The following TIMM23B variants were observed in gnomAD, a reference collection of about 807,000 sequenced individuals.
The protein encoded by TIMM23B is mitochondrial import inner membrane translocase subunit Tim23B.
Under a neutral mutation model 27.3 loss-of-function variants are expected in TIMM23B, and 27 were observed. The observed-to-expected ratio is 0.99, with a 90% CI of 0.73 to 1.36. The LOEUF is 1.36. TIMM23B is among the 40% of genes most tolerant of loss of function. The pLI is 0.00. For synonymous variants in TIMM23B, 73 were observed against 92.4 expected (o/e 0.79, Z 1.21); for missense variants, 205 against 244.2 (o/e 0.84, Z 1.07).
intron 6 of TIMM23B, among the ~76,000 whole-genome samples, chr10:49,961,296 T>C (rs1211411781): frequency 1.3e-5 from 2 of 148,548 alleles, no homozygotes; most frequent in Admixed American, 1.3e-4. Context: ...GGCAGGAGAA[T>C]TGCTTGAACC....
chr10:49,956,712 A>G (rs1332269492), intron 5 of TIMM23B, among the ~76,000 whole-genome samples: 10 of 146,358 alleles, frequency 6.8e-5, no homozygotes, highest in African/African-American at 2.4e-4. Context: ...ATTCCATTAT[A>G]TGAAAAGTCC....
Position 49,969,225 on chromosome 10 carries a change from A to G in TIMM23B, c.515-3787A>G, listed in dbSNP as rs2805310. 1.2e-3 allele frequency among the ~76,000 whole-genome samples: 185 copies of G among 152,318 alleles called. No homozygotes were observed. The South Asian group carries it at 0.027, about 22-fold the overall frequency. On this transcript the variant is annotated intron_variant, in intron 6 of 6. Coordinates refer to ENST00000651259, the MANE Select transcript of TIMM23B (RefSeq NM_001290117.2). ...ATAATCCCAGCACTTTGGGAAGCCA[A>G]TGTGGGCAGATTGAGTCCAGGAGTG...
At chr10:49,945,251 A>G (rs1839319508) in intron 2 of TIMM23B, among the ~76,000 whole-genome samples, 161 bp downstream of exon 2, 1 of 152,150 alleles carries the variant, frequency 6.6e-6, no homozygotes, top group African/African-American at 2.4e-5. Context: ...CTTGGCCTGC[A>G]TCTCTCTGAA....
chr10:49,943,277 A>G (rs1241001066), intron 1 of TIMM23B: 2 of 151,760 alleles, frequency 1.3e-5, no homozygotes, highest in Admixed American at 6.6e-5. Context: ...GTGCGGTGGC[A>G]TGATTATAGT....
chr10:49,947,746 TAAG>T (rs1461108315), intron 2 of TIMM23B, among the ~76,000 whole-genome samples: 3 of 151,810 alleles, frequency 2.0e-5, no homozygotes, highest in African/African-American at 4.8e-5. Flanking sequence ...CTGGCCAACA[TAAG>T]AAGATCCCAT....
chr10:49,959,373 A>G (rs1408857682), intron 6 of TIMM23B, among the ~76,000 whole-genome samples: 9 of 152,198 alleles, frequency 5.9e-5, no homozygotes, highest in African/African-American at 2.2e-4. Context: ...AATTTAGAGC[A>G]TCTTATTCCT....
At chr10:49,947,424 A>C (rs1394499509) in intron 2 of TIMM23B, among the ~76,000 whole-genome samples, 1 of 151,994 alleles carries the variant, frequency 6.6e-6, no homozygotes, top group Non-Finnish European at 1.5e-5. Context: ...CCTGGCCAAC[A>C]TGGTGAAACC....
intron 5 of TIMM23B, among the ~76,000 whole-genome samples, chr10:49,956,337 T>C (rs1298266192): frequency 6.6e-6 from 1 of 151,702 alleles, no homozygotes; most frequent in Non-Finnish European, 1.5e-5. Flanking sequence ...TGGGGGAAGA[T>C]ACTTTAAAAT....
At chr10:49,947,594 AGT>A (rs1390457524) in intron 2 of TIMM23B, among the ~76,000 whole-genome samples, 3 of 151,942 alleles carry the variant, frequency 2.0e-5, no homozygotes, top group African/African-American at 7.3e-5. Flanking sequence ...TGGGCAACAG[AGT>A]AAGACTCGGT....
Position 49,973,825 on chromosome 10 carries a change from G to A in TIMM23B, c.*761G>A, listed in dbSNP as rs1338250590. ...ATTTTTTTTTTTTCTTTTTTTTTGA[G>A]ATGGAGTCTTGCTCTGTTGCCAGGC... is the stretch of plus-strand genomic sequence containing the variant. On this transcript the variant is annotated 3_prime_UTR_variant, in exon 7 of 7. Transcript: ENST00000651259. 1 of 148,508 alleles carries A rather than the reference G, an allele frequency of 6.7e-6. No individual in the cohort carries two copies. Among genetic ancestry groups the A allele is most frequent in the Non-Finnish European group, 1.5e-5 (1 of 67,622 alleles). 9.2% of individuals were successfully genotyped at this position (148,508 alleles called of 1,614,324 possible). A position where few individuals can be genotyped will look rare whatever the true frequency, so the allele number is the denominator to read the frequency against.
At chr10:49,970,664 TG>T (rs1164509600) in intron 6 of TIMM23B, among the ~76,000 whole-genome samples, 8 of 118,082 alleles carry the variant, frequency 6.8e-5, no homozygotes, top group Admixed American at 8.3e-5. Context: ...GGGAGGGAGG[TG>T]GGGGGCAGCC....
At chr10:49,958,829 G>A (rs1395782013) in intron 6 of TIMM23B, among the ~76,000 whole-genome samples, 2 of 152,148 alleles carry the variant, frequency 1.3e-5, no homozygotes, top group South Asian at 2.1e-4. Flanking sequence ...GCTGCTTTAG[G>A]CACCTCATAT....
chr10:49,954,975 A>G, intron 4 of TIMM23B, 27 bp from the exon 5 acceptor site: 1 of 1,611,414 alleles, frequency 6.2e-7, no homozygotes, highest in Non-Finnish European at 8.5e-7. Context: ...TTCTAAATAC[A>G]GATTCTTTCT....
Position 49,958,371 on chromosome 10 carries a change from G to A in TIMM23B, c.405G>A (p.Ala135=), listed in dbSNP as rs1298055522. 1.5e-5 allele frequency: 25 copies of A among 1,613,680 alleles called. No individual in the cohort carries two copies. Among genetic ancestry groups the A allele is most frequent in the East Asian group, 1.1e-4 (5 of 44,878 alleles). ...ALWANTLGSL[A]LLYSAFGVII... is the part of the protein sequence containing the mutation. Reference sequence around the variant, plus strand: ...TGAGCACTTCCATTTCCTCTTTAGCGTTGCTCTATAGTGCATTTGGTGTCA... The same window carrying A: ...TGAGCACTTCCATTTCCTCTTTAGCATTGCTCTATAGTGCATTTGGTGTCA... The change falls in exon 6 of 7, where the codon GCG becomes GCA. Residue 135 remains alanine (A), a splice_region_variant and synonymous_variant. Transcript: ENST00000651259.
At chr10:49,966,591 C>T (rs1485214332) in intron 6 of TIMM23B, among the ~76,000 whole-genome samples, 1 of 151,860 alleles carries the variant, frequency 6.6e-6, no homozygotes, top group Admixed American at 6.6e-5. Context: ...TTTGGGAGGC[C>T]GAGGCAGGTG....
chr10:49,945,768 A>G (rs1354818218), intron 2 of TIMM23B, among the ~76,000 whole-genome samples: 2 of 152,246 alleles, frequency 1.3e-5, no homozygotes, highest in African/African-American at 4.8e-5. Context: ...TCTGAAAATT[A>G]ATGTATTGTG....
chr10:49,942,416 T>A, intron 1 of TIMM23B, 116 bp downstream of exon 1: 2 of 1,535,030 alleles, frequency 1.3e-6, no homozygotes, highest in Non-Finnish European at 1.8e-6. Context: ...GTTTACAAGC[T>A]TAAGTACCAG....
intron 1 of TIMM23B, among the ~76,000 whole-genome samples, chr10:49,943,790 T>C (rs1170413959): frequency 6.7e-6 from 1 of 149,264 alleles, no homozygotes; most frequent in African/African-American, 2.5e-5. Context: ...TCACAGAGCT[T>C]ACATAATACT....
At chr10:49,957,472 T>A (rs1460931285) in intron 5 of TIMM23B, among the ~76,000 whole-genome samples, 9 of 152,086 alleles carry the variant, frequency 5.9e-5, no homozygotes, top group Non-Finnish European at 1.2e-4. Flanking sequence ...CCCAGACTGG[T>A]CTCTGACTCC....
Sources: allele counts gnomAD v4.1 joint callset (sites outside exome capture counted in the v4.1 genomes callset), GRCh38; gene constraint gnomAD v4.1.1; transcripts MANE v1.5; gene names NCBI Gene and HGNC (gene_info 2026-07-23, HGNC 2026-07-21).